Variants in RBFOX1 observed in about 807,000 individuals in gnomAD.
RBFOX1 encodes the protein RNA binding protein fox-1 homolog 1.
In RBFOX1, 8 loss-of-function variants were observed where a neutral mutation model predicts 57.7. The observed-to-expected ratio is 0.14, with a 90% confidence interval of 0.08 to 0.25. The LOEUF (loss-of-function observed/expected upper bound fraction) is 0.25. Ranked by LOEUF, RBFOX1 falls within the 10% of genes least tolerant of loss-of-function variation. The probability of loss-of-function intolerance (pLI) is 1.00; values close to 1 mark genes in which losing one functional copy is unlikely to be tolerated. For synonymous variants in RBFOX1, 326 were observed against 222.4 expected, an observed-to-expected ratio of 1.47 and a Z score of -4.15; for missense variants, 611 against 548.5, an observed-to-expected ratio of 1.11 and a Z score of -1.14.
intron 3 of RBFOX1, among the ~76,000 whole-genome samples, chr16:6,763,029 G>A (rs1038520153): frequency 1.6e-4 from 5 of 31,742 alleles, no homozygotes; most frequent in Admixed American, 3.0e-4. Flanking sequence ...AGAATGTGAC[G>A]TTCATTCATG....
At chr16:7,342,766 TC>T (rs1362347754) in intron 4 of RBFOX1, among the ~76,000 whole-genome samples, 4 of 152,076 alleles carry the variant, frequency 2.6e-5, no homozygotes, top group Non-Finnish European at 4.4e-5. Flanking sequence ...ACCACCATCC[TC>T]TTTCCACATG....
At chr16:5,565,979 A>G (rs185648024) in intron 2 of RBFOX1, among the ~76,000 whole-genome samples, 60 of 152,302 alleles carry the variant, frequency 3.9e-4, no homozygotes, top group Admixed American at 1.1e-3. Context: ...CATGGTAGTG[A>G]ATAAGTCTCC....
At chr16:7,700,521 C>T (rs2080324003) in intron 14 of RBFOX1, among the ~76,000 whole-genome samples, 1 of 152,154 alleles carries the variant, frequency 6.6e-6, no homozygotes, top group Admixed American at 6.5e-5. Flanking sequence ...ATTTGTTTTT[C>T]CTCCTATGGG....
At chr16:7,367,450 CT>C (rs1201614228) in intron 4 of RBFOX1, among the ~76,000 whole-genome samples, 2 of 152,148 alleles carry the variant, frequency 1.3e-5, no homozygotes, top group African/African-American at 4.8e-5. Flanking sequence ...TTGATTTGCA[CT>C]CTGTTGTTTG....
chr16:6,612,727 C>G (rs1019383455), intron 2 of RBFOX1, among the ~76,000 whole-genome samples: 2 of 151,674 alleles, frequency 1.3e-5, no homozygotes, highest in Non-Finnish European at 2.9e-5. Flanking sequence ...TGGTCGGTGT[C>G]TGCAATCCCA....
chr16:7,216,306 C>G (rs2092036283), intron 4 of RBFOX1, among the ~76,000 whole-genome samples: 1 of 150,206 alleles, frequency 6.7e-6, no homozygotes, highest in African/African-American at 2.4e-5. Flanking sequence ...TCCAGCTAGT[C>G]TTTTGACTTG....
At position 6,785,958 on chromosome 16, in the gene RBFOX1, G is replaced by A. The variant is rs114082562; in HGVS notation, c.-16+131308G>A. On this transcript the variant is annotated intron_variant, in intron 3 of 15. Transcript: ENST00000550418. ...TGTACATGCATGTGACTTCCCAGGT[G>A]GCACTTACCAACAGACCATCCTTCC... 4.1e-3 allele frequency among the ~76,000 whole-genome samples: 626 copies of A among 152,294 alleles called. 4 individuals carry two copies. The highest frequency in any genetic ancestry group is 0.015 in the African/African-American group (608 of 41,554).
chr16:6,350,239 C>G (rs988971010), intron 2 of RBFOX1, among the ~76,000 whole-genome samples: 27 of 151,724 alleles, frequency 1.8e-4, no homozygotes, highest in African/African-American at 6.5e-4. Flanking sequence ...GAGTTCGAGA[C>G]CAGCCTGACC....
chr16:6,165,354 G>A (rs750123540), intron 1 of RBFOX1, among the ~76,000 whole-genome samples: 15 of 152,026 alleles, frequency 9.9e-5, no homozygotes, highest in South Asian at 6.2e-4. Context: ...CAAAACAACC[G>A]TAAAGAAACA....
chr16:7,293,103 G>A (rs568111951), intron 4 of RBFOX1, among the ~76,000 whole-genome samples: 334 of 152,280 alleles, frequency 2.2e-3, no homozygotes, highest in Non-Finnish European at 3.4e-3. Flanking sequence ...GATAGATACC[G>A]TTGACCCTCC....
intron 3 of RBFOX1, among the ~76,000 whole-genome samples, chr16:6,833,857 G>C (rs1453207582): frequency 6.6e-6 from 1 of 152,136 alleles, no homozygotes; most frequent in East Asian, 1.9e-4. Context: ...GGTGCAGACT[G>C]AGGAGACAGC....
chr16:6,844,108 A>C (rs2093634563), intron 3 of RBFOX1, among the ~76,000 whole-genome samples: 1 of 137,502 alleles, frequency 7.3e-6, no homozygotes, highest in Non-Finnish European at 1.5e-5. Context: ...AGCCACCATC[A>C]CATCTTCCCT....
chr16:6,137,890 A>G (rs182103564), intron 1 of RBFOX1, among the ~76,000 whole-genome samples: 11 of 152,224 alleles, frequency 7.2e-5, no homozygotes, highest in African/African-American at 1.9e-4. Context: ...GATCACAGAC[A>G]TGAACCCGTA....
chr16:6,013,926 C>T (rs541970933), intron 4 of RBFOX1, among the ~76,000 whole-genome samples: 3 of 140,268 alleles, frequency 2.1e-5, no homozygotes, highest in African/African-American at 8.1e-5. Flanking sequence ...AACACTTGGA[C>T]ACAGCAAGGG....
At chr16:5,466,540 G>C (rs1283651502) in intron 1 of RBFOX1, among the ~76,000 whole-genome samples, 1 of 152,180 alleles carries the variant, frequency 6.6e-6, no homozygotes, top group Non-Finnish European at 1.5e-5. Context: ...TTCTGTGTGT[G>C]CCCTCTGGGA....
intron 2 of RBFOX1, among the ~76,000 whole-genome samples, chr16:6,517,049 C>T (rs551311208): frequency 1.2e-4 from 19 of 152,248 alleles, no homozygotes; most frequent in African/African-American, 1.7e-4. Context: ...TCCTTTTAGC[C>T]TCTCATTCCA....
intron 3 of RBFOX1, among the ~76,000 whole-genome samples, chr16:5,806,808 A>C (rs942529050): frequency 4.6e-5 from 7 of 152,212 alleles, no homozygotes; most frequent in East Asian, 1.9e-4. Flanking sequence ...CTGTCAGCCC[A>C]GCTCAGCCCT....
At chr16:7,573,935 G>A (rs946377409) in intron 5 of RBFOX1, among the ~76,000 whole-genome samples, 13 of 151,984 alleles carry the variant, frequency 8.6e-5, no homozygotes, top group East Asian at 7.7e-4. Flanking sequence ...TATGAATTCC[G>A]TAGCCACTGC....
intron 3 of RBFOX1, among the ~76,000 whole-genome samples, chr16:7,018,244 C>G (rs960241930): frequency 1.3e-5 from 2 of 152,142 alleles, no homozygotes; most frequent in African/African-American, 4.8e-5. Context: ...GGCTTGCATT[C>G]TAGGTGTTTC....
Sources: allele counts gnomAD v4.1 joint callset (sites outside exome capture counted in the v4.1 genomes callset), GRCh38; gene constraint gnomAD v4.1.1; transcripts MANE v1.5; gene names NCBI Gene and HGNC (gene_info 2026-07-23, HGNC 2026-07-21).